IL1RAPL2: variants seen among roughly 807,000 people sequenced by gnomAD.
IL1RAPL2 encodes interleukin 1 receptor accessory protein like 2, also known as X-linked interleukin-1 receptor accessory protein-like 2.
Under a neutral mutation model 44.1 loss-of-function variants are expected in IL1RAPL2, and 3 were observed. The ratio of observed to expected loss-of-function variants is 0.07; its 90% CI spans 0.03 to 0.18. The LOEUF is 0.18. Among genes scored for constraint, IL1RAPL2 ranks in the 10% least tolerant of loss-of-function variants. The probability of loss-of-function intolerance (pLI) is 1.00; values close to 1 mark genes in which losing one functional copy is unlikely to be tolerated. For missense variants in IL1RAPL2, 391 were observed against 496.4 expected (o/e 0.79, Z 2.02); for synonymous variants, 181 against 178.8 (o/e 1.01, Z -0.10).
intron 3 of IL1RAPL2, among the ~76,000 whole-genome samples, chrX:105,212,142 G>T (rs1360851987): frequency 8.9e-6 from 1 of 112,076 alleles, no homozygotes; most frequent in African/African-American, 3.2e-5. Context: ...AAAGGGGGCT[G>T]AAGCCAGGGA....
chrX:105,411,745 C>T (rs2035697486), intron 5 of IL1RAPL2, among the ~76,000 whole-genome samples: 1 of 111,497 alleles, frequency 9.0e-6, no homozygotes, highest in African/African-American at 3.3e-5. Context: ...CCACTTTCAA[C>T]AATAGAAAGA....
At chrX:105,255,390 A>G (rs987184273) in intron 4 of IL1RAPL2, among the ~76,000 whole-genome samples, 14 of 111,657 alleles carry the variant, frequency 1.3e-4, no homozygotes, top group Middle Eastern at 9.2e-3. Context: ...ACATTGATTT[A>G]ACATTTTTCT....
chrX:105,513,632 T>A (rs971123763), intron 6 of IL1RAPL2, among the ~76,000 whole-genome samples: 4 of 111,922 alleles, frequency 3.6e-5, no homozygotes, highest in Non-Finnish European at 7.5e-5. Flanking sequence ...TTTTTTCTTG[T>A]AAATTTGTAT....
intron 2 of IL1RAPL2, among the ~76,000 whole-genome samples, chrX:105,193,806 C>G (rs138463040): frequency 9.0e-6 from 1 of 111,636 alleles, no homozygotes; most frequent in African/African-American, 3.3e-5. Flanking sequence ...TCTGAATCCT[C>G]GAAGAAAGTT....
chrX:105,065,173 T>C (rs753730149), intron 2 of IL1RAPL2, among the ~76,000 whole-genome samples: 1 of 111,857 alleles, frequency 8.9e-6, no homozygotes, highest in East Asian at 2.8e-4. Flanking sequence ...CTGAAGAGTA[T>C]TGAGTCAAAT....
chrX:105,144,360 T>TA (rs1345070614), intron 2 of IL1RAPL2, among the ~76,000 whole-genome samples: 1 of 111,243 alleles, frequency 9.0e-6, no homozygotes, highest in Non-Finnish European at 1.9e-5. Flanking sequence ...TGAGCAGACT[T>TA]ACCTTCAATA....
Position 104,695,619 on chromosome X carries a change from G to A in IL1RAPL2, c.82+36624G>A, listed in dbSNP as rs1931168021. On this transcript the variant is annotated intron_variant, in intron 2 of 10. Coordinates refer to ENST00000372582, the MANE Select transcript of IL1RAPL2 (RefSeq NM_017416.2). Reference sequence around the variant, plus strand: ...TAGCCAGGTGGGCCAGGTAGATATAGCAGGTCAGATGAAATCCACTTTTCA... The same window carrying A: ...TAGCCAGGTGGGCCAGGTAGATATAACAGGTCAGATGAAATCCACTTTTCA... 3.8e-5 allele frequency among the ~76,000 whole-genome samples: 4 copies of A among 106,353 alleles called. No homozygotes were observed. In the Admixed American group the frequency reaches 4.1e-4, roughly 11 times the overall value. The allele number at this position is 106,353 out of a possible 115,157, so 92.4% of individuals were successfully genotyped here. A position where few individuals can be genotyped will look rare whatever the true frequency, so the allele number is the denominator to read the frequency against.
chrX:104,819,940 GT>G lies in IL1RAPL2; in HGVS notation c.82+160954del, dbSNP rs1176264074. ...TTCATCTCTAAGTATAAATATGAGG[GT>G]TTTTTTTTAATCCTGCAAAATTTCC... On this transcript the variant is annotated intron_variant, in intron 2 of 10. Transcript: ENST00000372582. Among the ~76,000 whole-genome samples, 22 of 109,583 alleles carry G rather than the reference GT, an allele frequency of 2.0e-4. No homozygotes were observed. The East Asian group carries it at 5.5e-3, about 27-fold the overall frequency.
chrX:104,832,917 G>A (rs961330365), intron 2 of IL1RAPL2, among the ~76,000 whole-genome samples: 21 of 110,712 alleles, frequency 1.9e-4, no homozygotes, highest in African/African-American at 5.2e-4. Flanking sequence ...ATCTTACTCC[G>A]TTTTTGTTCT....
intron 3 of IL1RAPL2, among the ~76,000 whole-genome samples, chrX:105,226,385 C>CTTTTT (rs35192051): frequency 3.0e-4 from 16 of 53,330 alleles, no homozygotes; most frequent in South Asian, 9.4e-4. Context: ...TTTCTTTTCC[C>CTTTTT]TTTTTTTTTT....
intron 5 of IL1RAPL2, among the ~76,000 whole-genome samples, chrX:105,475,524 T>C (rs1158956112): frequency 9.0e-6 from 1 of 110,983 alleles, no homozygotes; most frequent in Non-Finnish European, 1.9e-5. Flanking sequence ...GTGTGAAACC[T>C]GGAAGTATAC....
At chrX:105,215,918 A>C (rs2033854200) in intron 3 of IL1RAPL2, among the ~76,000 whole-genome samples, 1 of 111,833 alleles carries the variant, frequency 8.9e-6, no homozygotes, top group African/African-American at 3.3e-5. Context: ...ACACCCCTTT[A>C]TGATAAAAAC....
intron 1 of IL1RAPL2, among the ~76,000 whole-genome samples, chrX:104,636,334 G>A (rs943011582): frequency 8.9e-6 from 1 of 112,291 alleles, no homozygotes; most frequent in African/African-American, 3.2e-5. Flanking sequence ...TAGATCTCCA[G>A]CTGCGTGCTG....
At chrX:105,622,303 A>AATAATC (rs1226095295) in intron 6 of IL1RAPL2, among the ~76,000 whole-genome samples, 2 of 108,021 alleles carry the variant, frequency 1.9e-5, no homozygotes, top group East Asian at 5.8e-4. Flanking sequence ...TAATAATAAT[A>AATAATC]ATAATAATAG....
chrX:104,781,306 C>T (rs1385920384), intron 2 of IL1RAPL2, among the ~76,000 whole-genome samples: 2 of 111,241 alleles, frequency 1.8e-5, no homozygotes, highest in Non-Finnish European at 3.8e-5. Context: ...TTAAGAAACT[C>T]TCCTGAAGGC....
At chrX:105,275,736 GTAT>G (rs2034480973) in intron 5 of IL1RAPL2, among the ~76,000 whole-genome samples, 1 of 111,593 alleles carries the variant, frequency 9.0e-6, no homozygotes, top group African/African-American at 3.3e-5. Flanking sequence ...AGCAAATGTA[GTAT>G]TATTATTATT....
chrX:104,657,656 A>C (rs1403765538), intron 1 of IL1RAPL2, among the ~76,000 whole-genome samples: 2 of 111,799 alleles, frequency 1.8e-5, no homozygotes, highest in African/African-American at 6.5e-5. Context: ...TCTGCACAGC[A>C]AAAGAAACTA....
chrX:105,737,289 G>A (rs1286573810), intron 7 of IL1RAPL2, among the ~76,000 whole-genome samples: 3 of 110,864 alleles, frequency 2.7e-5, no homozygotes, highest in African/African-American at 9.8e-5. Context: ...AAAATAATCT[G>A]TACACCAAAC....
At chrX:105,759,166 T>C (rs761994592) in intron 10 of IL1RAPL2, among the ~76,000 whole-genome samples, 14 of 112,283 alleles carry the variant, frequency 1.2e-4, no homozygotes, top group Non-Finnish European at 2.4e-4. Flanking sequence ...TAAAAAGTTA[T>C]TGAATCAGGC....
Sources: gnomAD v4.1 joint callset for allele counts (sites outside exome capture counted in the v4.1 genomes callset) on GRCh38, gnomAD v4.1.1 for gene constraint, MANE v1.5 for transcripts, NCBI Gene and HGNC (gene_info 2026-07-23, HGNC 2026-07-21) for gene names.